Variants in CPAP observed in about 807,000 individuals in gnomAD.
CPAP encodes centrosomal P4.1-associated protein.
the CPAP span, among the ~76,000 whole-genome samples, chr13:24,922,395 G>A: frequency 2.6e-3 from 390 of 152,246 alleles, no homozygotes; most frequent in Non-Finnish European, 4.7e-3. Flanking sequence ...TGACAAAGCT[G>A]GGGCAAGACC....
chr13:24,922,498 G>A, the CPAP span, among the ~76,000 whole-genome samples: 8 of 152,246 alleles, frequency 5.3e-5, no homozygotes, highest in Non-Finnish European at 1.0e-4. Context: ...TTCCGCCACA[G>A]CCAGGTCAGA....
the CPAP span, chr13:24,886,044 C>T: frequency 2.7e-6 from 1 of 366,482 alleles, no homozygotes; most frequent in South Asian, 2.2e-5. Flanking sequence ...CATAAATGCC[C>T]TTGTGGCTAT....
the CPAP span, among the ~76,000 whole-genome samples, chr13:24,931,914 C>G: frequency 6.6e-6 from 1 of 152,184 alleles, no homozygotes; most frequent in African/African-American, 2.4e-5. Context: ...TTGGCTAAAT[C>G]CCTCCTGAAA....
At chr13:24,908,122 T>G in the CPAP span, 4 of 1,606,844 alleles carry the variant, frequency 2.5e-6, no homozygotes, top group South Asian at 3.3e-5. Flanking sequence ...ATAAGATACT[T>G]TCTCCTGAGA....
the CPAP span, among the ~76,000 whole-genome samples, chr13:24,915,531 C>T: frequency 1.3e-5 from 2 of 152,040 alleles, no homozygotes; most frequent in Admixed American, 6.5e-5. Flanking sequence ...CGGCTGGGCG[C>T]AGTGGCTCAC....
chr13:24,893,807 G>C, the CPAP span, among the ~76,000 whole-genome samples: 1 of 152,192 alleles, frequency 6.6e-6, no homozygotes. Context: ...GAATTCAAGA[G>C]CAATTAATAT....
At chr13:24,882,353 T>C in the CPAP span, 1 of 151,920 alleles carries the variant, frequency 6.6e-6, no homozygotes, top group Non-Finnish European at 1.5e-5. Context: ...AAAACCTGAT[T>C]CATAGTATAT....
chr13:24,920,920 C>A, the CPAP span, among the ~76,000 whole-genome samples: 1 of 152,018 alleles, frequency 6.6e-6, no homozygotes, highest in South Asian at 2.1e-4. Flanking sequence ...AGCCACCGCA[C>A]CTGGCCCATG....
At chr13:24,892,884 A>C in the CPAP span, 5 of 862,262 alleles carry the variant, frequency 5.8e-6, no homozygotes, top group African/African-American at 1.7e-5. Flanking sequence ...AAAAAAAAAA[A>C]CAAAAAGAAA....
At chr13:24,924,843 AG>A in the CPAP span, 1 of 152,048 alleles carries the variant, frequency 6.6e-6, no homozygotes, top group South Asian at 2.1e-4. Context: ...TGTAGTCTTC[AG>A]CACTCAACTT....
the CPAP span, chr13:24,912,964 A>G: frequency 6.2e-7 from 1 of 1,614,256 alleles, no homozygotes; most frequent in South Asian, 1.1e-5. Flanking sequence ...AGGATTGGTC[A>G]TCCACTGGGT....
At chr13:24,933,497 G>A in the CPAP span, 2 of 194,310 alleles carry the variant, frequency 1.0e-5, no homozygotes, top group African/African-American at 4.6e-5. Context: ...TCACTCACCA[G>A]TGTGTCAACG....
At chr13:24,892,590 C>T in the CPAP span, 8 of 1,364,258 alleles carry the variant, frequency 5.9e-6, no homozygotes, top group South Asian at 9.3e-5. Flanking sequence ...TTTGAATGCT[C>T]AGATATTGAA....
At chr13:24,933,296 C>T in the CPAP span, among the ~76,000 whole-genome samples, 666 of 152,272 alleles carry the variant, frequency 4.4e-3, 4 homozygotes, top group African/African-American at 0.015. Flanking sequence ...GGAGGCTGGG[C>T]CCCCAGAGGC....
chr13:24,931,646 C>CA, the CPAP span, among the ~76,000 whole-genome samples: 5 of 152,182 alleles, frequency 3.3e-5, no homozygotes, highest in Non-Finnish European at 7.3e-5. Flanking sequence ...TCTGTATCTC[C>CA]AGCCCTCGCC....
the CPAP span, chr13:24,892,885 CAA>C: frequency 1.2e-6 from 1 of 832,088 alleles, no homozygotes; most frequent in Non-Finnish European, 1.8e-6. Flanking sequence ...AAAAAAAAAA[CAA>C]AAAGAAAAAA....
chr13:24,889,244 A>C, the CPAP span: 31 of 1,019,844 alleles, frequency 3.0e-5, 1 homozygote, highest in Admixed American at 5.4e-4. Flanking sequence ...GAAATGTTTT[A>C]TTAAGTTGGG....
At chr13:24,929,043 G>A in the CPAP span, among the ~76,000 whole-genome samples, 1 of 152,140 alleles carries the variant, frequency 6.6e-6, no homozygotes, top group Non-Finnish European at 1.5e-5. Flanking sequence ...TAGTTTGATG[G>A]TTTTTCAAGC....
the CPAP span, among the ~76,000 whole-genome samples, chr13:24,888,473 T>C: frequency 6.6e-6 from 1 of 152,146 alleles, no homozygotes; most frequent in Non-Finnish European, 1.5e-5. Context: ...TCACAGGGCC[T>C]TACCAGCTCA....
Sources: allele counts gnomAD v4.1 joint callset (sites outside exome capture counted in the v4.1 genomes callset), GRCh38; gene constraint gnomAD v4.1.1; transcripts MANE v1.5; gene names NCBI Gene and HGNC (gene_info 2026-07-23, HGNC 2026-07-21).